VAV3: variants seen among roughly 807,000 people sequenced by gnomAD.
VAV3 encodes vav guanine nucleotide exchange factor 3.
A neutral mutation model predicts 131.2 loss-of-function variants in VAV3; 94 were observed. That is an observed-to-expected ratio of 0.72 (90% CI 0.61 to 0.85). VAV3 has a LOEUF of 0.85. VAV3 is among the 40% of genes least tolerant of loss of function. The pLI is 0.00. For synonymous variants in VAV3, 349 were observed against 342.0 expected (o/e 1.02, Z -0.22); for missense variants, 939 against 1,002.7 (o/e 0.94, Z 0.86).
At chr1:107,816,128 T>C (rs1017775383) in intron 2 of VAV3, among the ~76,000 whole-genome samples, 2 of 152,158 alleles carry the variant, frequency 1.3e-5, no homozygotes, top group African/African-American at 2.4e-5. Flanking sequence ...GCCATGGACC[T>C]GGTACTTGTC....
chr1:107,717,419 G>T (rs571996165), intron 15 of VAV3, among the ~76,000 whole-genome samples: 64 of 152,304 alleles, frequency 4.2e-4, no homozygotes, highest in African/African-American at 1.4e-3. Context: ...ATGTGTCCCA[G>T]AGATTCTGGT....
intron 1 of VAV3, among the ~76,000 whole-genome samples, chr1:107,940,856 T>C (rs1438390813): frequency 6.6e-6 from 1 of 152,150 alleles, no homozygotes; most frequent in Non-Finnish European, 1.5e-5. Flanking sequence ...AGAGTTTCAG[T>C]TGGGGAAGAT....
At chr1:107,748,607 T>C (rs1037207165) in intron 15 of VAV3, among the ~76,000 whole-genome samples, 6 of 152,226 alleles carry the variant, frequency 3.9e-5, no homozygotes, top group Non-Finnish European at 7.3e-5. Flanking sequence ...GGCATTTCTA[T>C]TTAAAGGTAT....
At chr1:107,929,093 G>A (rs1485496454) in intron 1 of VAV3, among the ~76,000 whole-genome samples, 3 of 151,852 alleles carry the variant, frequency 2.0e-5, no homozygotes, top group African/African-American at 7.3e-5. Context: ...CCATGAGGGA[G>A]TGACATGACA....
At chr1:107,766,381 A>T in intron 8 of VAV3, 66 bp downstream of exon 8, 1 of 1,083,098 alleles carries the variant, frequency 9.2e-7, no homozygotes, top group Middle Eastern at 2.5e-4. Context: ...TTTGTTAGCT[A>T]TTTTAATACT....
At chr1:107,868,450 G>A (rs1476279580) in intron 2 of VAV3, among the ~76,000 whole-genome samples, 1 of 152,124 alleles carries the variant, frequency 6.6e-6, no homozygotes, top group Admixed American at 6.6e-5. Context: ...GTTTTCTTGT[G>A]ACAGGGAAAG....
In VAV3 at chr1:107,585,582, A is replaced by G. The variant is rs569680584; in HGVS notation, c.2350+10630T>C. Among the ~76,000 whole-genome samples, 3 of 152,184 alleles carry G rather than the reference A, an allele frequency of 2.0e-5. No individual in the cohort carries two copies. The East Asian group carries it at 5.8e-4, about 30-fold the overall frequency. ...TCTGCTCTGGCCACATTGCCCAGTCAGACATACCCCTCCCTTAGCACTGAC... is the reference window on the plus strand; with the variant it reads ...TCTGCTCTGGCCACATTGCCCAGTCGGACATACCCCTCCCTTAGCACTGAC... On this transcript the variant is annotated intron_variant, in intron 25 of 26. Transcript: ENST00000370056.
intron 19 of VAV3, among the ~76,000 whole-genome samples, chr1:107,646,501 AC>A (rs1255524941): frequency 6.6e-6 from 1 of 152,044 alleles, no homozygotes. Context: ...AGTTCCTAAA[AC>A]TTTTATATAA....
chr1:107,889,858 G>C (rs959087022), intron 1 of VAV3, among the ~76,000 whole-genome samples: 2 of 152,016 alleles, frequency 1.3e-5, no homozygotes, highest in South Asian at 4.2e-4. Flanking sequence ...CTAAACTTGG[G>C]GATAAAGATA....
intron 1 of VAV3, among the ~76,000 whole-genome samples, chr1:107,950,553 A>T (rs1674483725): frequency 6.6e-6 from 1 of 152,214 alleles, no homozygotes; most frequent in Non-Finnish European, 1.5e-5. Context: ...GGTGAATGAA[A>T]GCAGGGGCAA....
chr1:107,829,280 T>C (rs1571010128), intron 2 of VAV3, among the ~76,000 whole-genome samples: 1 of 152,224 alleles, frequency 6.6e-6, no homozygotes, highest in Non-Finnish European at 1.5e-5. Context: ...CTGTATGATA[T>C]TGTTAAAGTC....
chr1:107,636,310 A>G (rs1654926957), intron 20 of VAV3, among the ~76,000 whole-genome samples: 1 of 152,222 alleles, frequency 6.6e-6, no homozygotes, highest in South Asian at 2.1e-4. Flanking sequence ...GGGCCATAAA[A>G]TAATTCTAAA....
chr1:107,764,203 G>A (rs1664606822), intron 9 of VAV3, among the ~76,000 whole-genome samples: 3 of 151,644 alleles, frequency 2.0e-5, no homozygotes, highest in Non-Finnish European at 4.4e-5. Flanking sequence ...ATCGGCCTAC[G>A]TGCCACCTCT....
At position 107,668,700 on chromosome 1, in the gene VAV3, G is replaced by A. The variant is rs1657576596; in HGVS notation, c.1777+14788C>T. 3 of 985,336 alleles carry A rather than the reference G, an allele frequency of 3.0e-6. No homozygotes were observed. The African/African-American group carries it at 5.2e-5, about 17-fold the overall frequency. The allele number at this position is 985,336 out of a possible 1,614,324, so 61.0% of individuals were successfully genotyped here. A position where few individuals can be genotyped will look rare whatever the true frequency, so the allele number is the denominator to read the frequency against. On this transcript the variant is annotated intron_variant, in intron 19 of 26. Coordinates refer to ENST00000370056, the MANE Select transcript of VAV3 (RefSeq NM_006113.5). ...TGGTCCCAGGAACTATGTTTGGACAGTCTAGAGAGGAGGAAACTAACAATT... is the reference window on the plus strand; with the variant it reads ...TGGTCCCAGGAACTATGTTTGGACAATCTAGAGAGGAGGAAACTAACAATT...
intron 2 of VAV3, among the ~76,000 whole-genome samples, chr1:107,828,823 T>G (rs1027440453): frequency 6.6e-6 from 1 of 152,200 alleles, no homozygotes; most frequent in Non-Finnish European, 1.5e-5. Flanking sequence ...GGTAACATAT[T>G]CATCAGTTTC....
intron 1 of VAV3, among the ~76,000 whole-genome samples, chr1:107,947,523 T>G (rs886096850): frequency 6.6e-6 from 1 of 152,154 alleles, no homozygotes. Flanking sequence ...GTGCTAGGTA[T>G]CTTGCCCATC....
At chr1:107,911,611 A>C (rs1471123930) in intron 1 of VAV3, among the ~76,000 whole-genome samples, 2 of 152,236 alleles carry the variant, frequency 1.3e-5, no homozygotes, top group African/African-American at 2.4e-5. Flanking sequence ...TTTTCATTCT[A>C]TTTTAAAGAA....
chr1:107,639,254 C>T (rs1655157245), intron 20 of VAV3, among the ~76,000 whole-genome samples: 1 of 151,936 alleles, frequency 6.6e-6, no homozygotes, highest in Non-Finnish European at 1.5e-5. Context: ...GTCTTTGTAA[C>T]TTTGGGGTAG....
chr1:107,782,889 T>C (rs987197070), intron 2 of VAV3, among the ~76,000 whole-genome samples: 2 of 152,200 alleles, frequency 1.3e-5, no homozygotes, highest in Non-Finnish European at 2.9e-5. Flanking sequence ...AAGAAGACTG[T>C]TTTCCTGCAA....
Sources: gnomAD v4.1 joint callset for allele counts (sites outside exome capture counted in the v4.1 genomes callset) on GRCh38, gnomAD v4.1.1 for gene constraint, MANE v1.5 for transcripts, NCBI Gene and HGNC (gene_info 2026-07-23, HGNC 2026-07-21) for gene names.